NUP93: variants seen among roughly 807,000 people sequenced by gnomAD.
The protein encoded by NUP93 is nuclear pore complex protein Nup93.
Under a neutral mutation model 107.8 loss-of-function variants are expected in NUP93, and 55 were observed. The observed-to-expected ratio is 0.51, with a 90% CI of 0.41 to 0.64. The LOEUF is 0.64. Ranked by LOEUF, NUP93 falls within the 30% of genes least tolerant of loss-of-function variation. NUP93 has a pLI of 0.00. For missense variants in NUP93, 937 were observed against 1,044.7 expected (o/e 0.90, Z 1.42); for synonymous variants, 390 against 397.5 (o/e 0.98, Z 0.22).
At chr16:56,840,819 A>G (rs1257398315) in intron 20 of NUP93, among the ~76,000 whole-genome samples, 1 of 152,082 alleles carries the variant, frequency 6.6e-6, no homozygotes, top group Non-Finnish European at 1.5e-5. Context: ...AACATGGTAA[A>G]ATCCCATCTC....
chr16:56,831,600 C>T, intron 10 of NUP93: 1 of 432,736 alleles, frequency 2.3e-6, no homozygotes, highest in Non-Finnish European at 4.2e-6. Flanking sequence ...GCATTTCTCA[C>T]CTGCCCATGA....
At chr16:56,817,937 C>G (rs1431640724) in intron 5 of NUP93, among the ~76,000 whole-genome samples, 1 of 152,152 alleles carries the variant, frequency 6.6e-6, no homozygotes, top group Non-Finnish European at 1.5e-5. Context: ...GACGAAATCT[C>G]CTAATGATGC....
intron 7 of NUP93, 80 bp from the exon 8 acceptor site, chr16:56,823,627 T>C: frequency 1.3e-6 from 2 of 1,509,034 alleles, no homozygotes; most frequent in Non-Finnish European, 9.1e-7. Flanking sequence ...CTGCCCCCTT[T>C]GGAGGTCAGA....
chr16:56,782,047 TTC>T, intron 3 of NUP93: 4 of 985,366 alleles, frequency 4.1e-6, no homozygotes, highest in Middle Eastern at 5.2e-4. Context: ...TCTTTTTCTC[TTC>T]TCTCTGTCCT....
chr16:56,751,019 G>A (rs11861397), intron 2 of NUP93, among the ~76,000 whole-genome samples: 152 of 151,964 alleles, frequency 1.0e-3, no homozygotes, highest in African/African-American at 3.5e-3. Context: ...ATGGTGACAC[G>A]CACCTGTAGT....
At chr16:56,759,155 G>T (rs541700638) in intron 3 of NUP93, among the ~76,000 whole-genome samples, 75 of 152,258 alleles carry the variant, frequency 4.9e-4, no homozygotes, top group Middle Eastern at 3.4e-3. Flanking sequence ...GTCTAATAGA[G>T]CACTCCAGTC....
At chr16:56,756,220 A>G (rs1250313225) in intron 2 of NUP93, among the ~76,000 whole-genome samples, 1 of 149,350 alleles carries the variant, frequency 6.7e-6, no homozygotes, top group Non-Finnish European at 1.5e-5. Flanking sequence ...GTGGTTTGCC[A>G]CACTTATCAA....
intron 5 of NUP93, among the ~76,000 whole-genome samples, chr16:56,810,187 T>C (rs1316836099): frequency 6.6e-6 from 1 of 152,220 alleles, no homozygotes; most frequent in Admixed American, 6.5e-5. Context: ...GCAGAGTAGT[T>C]TGTAAATGTT....
At chr16:56,829,617 C>T (rs1355463936) in intron 9 of NUP93, among the ~76,000 whole-genome samples, 1 of 152,178 alleles carries the variant, frequency 6.6e-6, no homozygotes, top group African/African-American at 2.4e-5. Flanking sequence ...TTCGCACTTG[C>T]TCTTAAAGAA....
At chr16:56,820,859 A>G (rs1384764955) in intron 6 of NUP93, among the ~76,000 whole-genome samples, 7 of 152,192 alleles carry the variant, frequency 4.6e-5, no homozygotes, top group African/African-American at 1.7e-4. Context: ...CTTCCCTACC[A>G]GGACTTAACT....
intron 6 of NUP93, among the ~76,000 whole-genome samples, chr16:56,820,435 C>A (rs912411172): frequency 6.6e-6 from 1 of 152,238 alleles, no homozygotes; most frequent in South Asian, 2.1e-4. Context: ...CCTGCCTCAG[C>A]CTCCCAAGTA....
intron 21 of NUP93, among the ~76,000 whole-genome samples, chr16:56,842,963 A>G (rs149754235): frequency 0.015 from 2,336 of 152,294 alleles, 24 homozygotes; most frequent in Non-Finnish European, 0.025. Flanking sequence ...GCAGCCAAGA[A>G]GCCTTGATCT....
chr16:56,777,972 G>A (rs1962445496), intron 3 of NUP93, among the ~76,000 whole-genome samples: 1 of 152,184 alleles, frequency 6.6e-6, no homozygotes, highest in African/African-American at 2.4e-5. Flanking sequence ...TGCCCGTTAA[G>A]GACAGCACTA....
At chr16:56,803,626 A>G (rs144834187) in intron 4 of NUP93, among the ~76,000 whole-genome samples, 1 of 152,218 alleles carries the variant, frequency 6.6e-6, no homozygotes, top group Admixed American at 6.5e-5. Context: ...AAAGATGTTT[A>G]TATTAATAAA....
chr16:56,795,060 A>G (rs1234855367), intron 3 of NUP93, among the ~76,000 whole-genome samples: 2 of 150,602 alleles, frequency 1.3e-5, no homozygotes, highest in Non-Finnish European at 3.0e-5. Context: ...TCCCCTCCCC[A>G]CAACCAAAAA....
chr16:56,836,090 C>G (rs1963903686), intron 16 of NUP93, among the ~76,000 whole-genome samples: 1 of 149,712 alleles, frequency 6.7e-6, no homozygotes, highest in African/African-American at 2.5e-5. Context: ...GATTGCGCCA[C>G]TGCACTCCAG....
At chr16:56,797,981 G>T (rs1291362437) in intron 3 of NUP93, among the ~76,000 whole-genome samples, 2 of 152,220 alleles carry the variant, frequency 1.3e-5, no homozygotes, top group African/African-American at 4.8e-5. Flanking sequence ...AACGCTGGAA[G>T]AAATGTGTAA....
At chr16:56,808,207 A>T (rs1778932709) in intron 5 of NUP93, among the ~76,000 whole-genome samples, 2 of 70,724 alleles carry the variant, frequency 2.8e-5, no homozygotes, top group South Asian at 9.3e-4. Context: ...TATATAAAAT[A>T]TATAGTTATG....
chr16:56,743,922 G>A (rs1961779437), intron 1 of NUP93, among the ~76,000 whole-genome samples: 1 of 152,156 alleles, frequency 6.6e-6, no homozygotes, highest in South Asian at 2.1e-4. Context: ...CCAAGGCCCT[G>A]ATACTTTGCG....
Sources: allele counts gnomAD v4.1 joint callset (sites outside exome capture counted in the v4.1 genomes callset), GRCh38; gene constraint gnomAD v4.1.1; transcripts MANE v1.5; gene names NCBI Gene and HGNC (gene_info 2026-07-23, HGNC 2026-07-21).